The following KIAA1958 variants were observed in gnomAD, a reference collection of about 807,000 sequenced individuals.
KIAA1958 encodes the protein uncharacterized protein KIAA1958.
Under a neutral mutation model 47.2 loss-of-function variants are expected in KIAA1958, and 14 were observed. The ratio of observed to expected loss-of-function variants is 0.30; its 90% CI spans 0.20 to 0.46. KIAA1958 has a LOEUF of 0.46. Among genes scored for constraint, KIAA1958 ranks in the 20% least tolerant of loss-of-function variants. KIAA1958 has a pLI of 1.00. For synonymous variants in KIAA1958, 354 were observed against 353.3 expected (o/e 1.00, Z -0.02); for missense variants, 803 against 909.2 (o/e 0.88, Z 1.50).
chr9:112,570,077 G>A (rs755586390), intron 1 of KIAA1958, among the ~76,000 whole-genome samples: 6 of 152,226 alleles, frequency 3.9e-5, no homozygotes, highest in Non-Finnish European at 7.3e-5. Flanking sequence ...ATTAGCTAAC[G>A]TGAAGCATGT....
rs57898820 is a variant in KIAA1958 at position 112,568,936 on chromosome 9, TAAAAAAAAAAAAA to T, written c.-24-5102_-24-5090del. Among the ~76,000 whole-genome samples, 35 of 36,456 alleles carry T rather than the reference TAAAAAAAAAAAAA, an allele frequency of 9.6e-4. 1 individual carries two copies. The highest frequency in any genetic ancestry group is 3.2e-3 in the East Asian group (3 of 946). 23.9% of individuals were successfully genotyped at this position (36,456 alleles called of 152,430 possible). The stretch of plus-strand genomic sequence containing the variant: ...GCTGCCAATTTAAGAATAGGAAAAC[TAAAAAAAAAAAAA>T]AAAAAAAAAAAAAAAAAATTGACAT... On this transcript the variant is annotated intron_variant, in intron 1 of 3. Coordinates refer to ENST00000337530, the MANE Select transcript of KIAA1958 (RefSeq NM_133465.4).
At chr9:112,643,487 CAA>C (rs1215839551) in intron 2 of KIAA1958, among the ~76,000 whole-genome samples, 3 of 152,148 alleles carry the variant, frequency 2.0e-5, no homozygotes, top group Admixed American at 6.5e-5. Context: ...AAATTTTATA[CAA>C]GAGTCCTTTT....
chr9:112,600,230 C>T (rs1371143556), intron 2 of KIAA1958, among the ~76,000 whole-genome samples: 1 of 152,132 alleles, frequency 6.6e-6, no homozygotes, highest in Non-Finnish European at 1.5e-5. Flanking sequence ...TATTTATCCG[C>T]ACCTGTCATC....
intron 2 of KIAA1958, among the ~76,000 whole-genome samples, chr9:112,587,776 G>A (rs1564182610): frequency 6.6e-6 from 1 of 152,090 alleles, no homozygotes; most frequent in Admixed American, 6.5e-5. Context: ...TAGTAACAAT[G>A]TCTCACCTTG....
intron 3 of KIAA1958, among the ~76,000 whole-genome samples, chr9:112,658,566 G>A (rs972234616): frequency 6.6e-6 from 1 of 152,040 alleles, no homozygotes; most frequent in African/African-American, 2.4e-5. Context: ...TGTATGGGGG[G>A]GTGTTCACTA....
At position 112,666,705 on chromosome 9, in the gene KIAA1958, A is replaced by G. The variant is rs1046058864; in HGVS notation, c.*6636A>G. On this transcript the variant is annotated 3_prime_UTR_variant, in exon 4 of 4. Transcript: ENST00000337530. ...AGTAGCTCAATTCCTGGCTTACTTC[A>G]TGAAACAGGCCCTGTGAAATTAAAA... 42 of 152,350 alleles carry G rather than the reference A, an allele frequency of 2.8e-4. 1 individual carries two copies. Among genetic ancestry groups the G allele is most frequent in the Admixed American group, 1.6e-3 (24 of 15,306 alleles). 9.4% of individuals were successfully genotyped at this position (152,350 alleles called of 1,614,324 possible).
chr9:112,511,152 A>T (rs752223853), intron 1 of KIAA1958, among the ~76,000 whole-genome samples: 2 of 152,174 alleles, frequency 1.3e-5, no homozygotes, highest in Non-Finnish European at 2.9e-5. Flanking sequence ...ATGTTCAGTT[A>T]GGAAAGTGGG....
At chr9:112,651,431 A>G (rs926475045) in intron 3 of KIAA1958, among the ~76,000 whole-genome samples, 3 of 147,610 alleles carry the variant, frequency 2.0e-5, no homozygotes, top group Non-Finnish European at 3.0e-5. Context: ...GTCTCACTCT[A>G]TCCCCCAGGC....
At chr9:112,529,770 C>G (rs1236308187) in intron 1 of KIAA1958, among the ~76,000 whole-genome samples, 1 of 152,118 alleles carries the variant, frequency 6.6e-6, no homozygotes, top group African/African-American at 2.4e-5. Flanking sequence ...TTTTCCCTAC[C>G]TAATTTACTT....
intron 2 of KIAA1958, among the ~76,000 whole-genome samples, chr9:112,629,174 T>C (rs780503758): frequency 1.3e-5 from 2 of 152,136 alleles, no homozygotes; most frequent in Non-Finnish European, 2.9e-5. Flanking sequence ...TTAGTCACTA[T>C]AATTTAAGGC....
In KIAA1958 at chr9:112,662,186, G is replaced by A. The variant is rs549456954; in HGVS notation, c.*2117G>A. 19 of 152,286 alleles carry A rather than the reference G, an allele frequency of 1.2e-4. No homozygotes were observed. The highest frequency in any genetic ancestry group is 4.3e-4 in the African/African-American group (18 of 41,558). The allele number at this position is 152,286 out of a possible 1,614,324, so 9.4% of individuals were successfully genotyped here. A position where few individuals can be genotyped will look rare whatever the true frequency, so the allele number is the denominator to read the frequency against. On this transcript the variant is annotated 3_prime_UTR_variant, in exon 4 of 4. Coordinates refer to ENST00000337530, the MANE Select transcript of KIAA1958 (RefSeq NM_133465.4). Reference sequence around the variant, plus strand: ...ATGTGTTGCCTGTCACCTAGTTGATGTTCCATAAAATCCCTGGGTTCTGAA... The same window carrying A: ...ATGTGTTGCCTGTCACCTAGTTGATATTCCATAAAATCCCTGGGTTCTGAA...
intron 2 of KIAA1958, among the ~76,000 whole-genome samples, chr9:112,643,813 T>A (rs1470349204): frequency 6.7e-6 from 1 of 149,550 alleles, no homozygotes; most frequent in Non-Finnish European, 1.5e-5. Flanking sequence ...GGGAGTGGAG[T>A]GAGTGTGAGG....
At chr9:112,594,765 C>A (rs182959652) in intron 2 of KIAA1958, among the ~76,000 whole-genome samples, 1 of 152,096 alleles carries the variant, frequency 6.6e-6, no homozygotes, top group South Asian at 2.1e-4. Flanking sequence ...CTTGATAGGT[C>A]GTATGCTAAC....
In KIAA1958 at chr9:112,662,953, G is replaced by T. The variant is rs1837303786; in HGVS notation, c.*2884G>T. 2 of 152,204 alleles carry T rather than the reference G, an allele frequency of 1.3e-5. No homozygotes were observed. The allele number at this position is 152,204 out of a possible 1,614,324, so 9.4% of individuals were successfully genotyped here. ...AAACCTTACCTTCTGGGGACTCCAGGATTTTCTGCTCTTGGCCTAATGCAA... is the reference window on the plus strand; with the variant it reads ...AAACCTTACCTTCTGGGGACTCCAGTATTTTCTGCTCTTGGCCTAATGCAA... On this transcript the variant is annotated 3_prime_UTR_variant, in exon 4 of 4. Transcript: ENST00000337530.
chr9:112,638,188 T>C (rs1300549219), intron 2 of KIAA1958, among the ~76,000 whole-genome samples: 1 of 151,494 alleles, frequency 6.6e-6, no homozygotes, highest in African/African-American at 2.4e-5. Context: ...CTTAATGTGG[T>C]GTTATGTGGG....
chr9:112,581,149 T>C (rs1047273958), intron 2 of KIAA1958, among the ~76,000 whole-genome samples: 2 of 152,186 alleles, frequency 1.3e-5, no homozygotes, highest in Admixed American at 6.5e-5. Context: ...CTTGTGACCT[T>C]AGCTACGTCA....
intron 1 of KIAA1958, among the ~76,000 whole-genome samples, chr9:112,513,402 A>G (rs1337604992): frequency 6.7e-6 from 1 of 148,834 alleles, no homozygotes; most frequent in African/African-American, 2.5e-5. Context: ...GGCTCAGGGG[A>G]GAGCGAGCCA....
At chr9:112,644,551 T>G (rs1270077377) in intron 2 of KIAA1958, among the ~76,000 whole-genome samples, 1 of 152,014 alleles carries the variant, frequency 6.6e-6, no homozygotes, top group African/African-American at 2.4e-5. Flanking sequence ...TTAAGCCTGG[T>G]TTTAGCAGAT....
intron 1 of KIAA1958, among the ~76,000 whole-genome samples, chr9:112,528,557 C>T (rs1834699976): frequency 6.6e-6 from 1 of 152,166 alleles, no homozygotes; most frequent in Non-Finnish European, 1.5e-5. Context: ...AAGTCTTGCT[C>T]TGTTGTCCAG....
Sources: gnomAD v4.1 joint callset for allele counts (sites outside exome capture counted in the v4.1 genomes callset) on GRCh38, gnomAD v4.1.1 for gene constraint, MANE v1.5 for transcripts, NCBI Gene and HGNC (gene_info 2026-07-23, HGNC 2026-07-21) for gene names.